The following FAM76B variants were observed in gnomAD, a reference collection of about 807,000 sequenced individuals.
FAM76B encodes protein FAM76B.
FAM76B carries 16 observed loss-of-function variants against 51.8 expected under a neutral mutation model. That is an observed-to-expected ratio of 0.31 (90% confidence interval 0.21 to 0.47). The LOEUF (loss-of-function observed/expected upper bound fraction) is 0.47. Ranked by LOEUF, FAM76B falls within the 20% of genes least tolerant of loss-of-function variation. The probability of loss-of-function intolerance (pLI) is 1.00; values close to 1 mark genes in which losing one functional copy is unlikely to be tolerated. For missense variants in FAM76B, 342 were observed against 392.6 expected (o/e 0.87, Z 1.09); for synonymous variants, 166 against 129.5 (o/e 1.28, Z -1.91).
rs537242062 is a variant in FAM76B at position 95,771,718 on chromosome 11, T to C, written c.931-68A>G. ...ATTATTAAGTCATGCTGAAGAATACTACTTATTTAATACTGTTTTCATTTA... is the reference window on the plus strand; with the variant it reads ...ATTATTAAGTCATGCTGAAGAATACCACTTATTTAATACTGTTTTCATTTA... On this transcript the variant is annotated intron_variant, in intron 9 of 9. Coordinates refer to ENST00000358780, the MANE Select transcript of FAM76B (RefSeq NM_144664.5). 263 of 1,224,000 alleles carry C rather than the reference T, an allele frequency of 2.1e-4. 1 individual carries two copies. The highest frequency in any genetic ancestry group is 4.0e-4 in the Middle Eastern group (2 of 5,000). The allele number at this position is 1,224,000 out of a possible 1,614,324, so 75.8% of individuals were successfully genotyped here. A position where few individuals can be genotyped will look rare whatever the true frequency, so the allele number is the denominator to read the frequency against.
At position 95,770,399 on chromosome 11, in the gene FAM76B, A is replaced by G. The variant is rs1010301915; in HGVS notation, c.*1162T>C. 3 of 151,882 alleles carry G rather than the reference A, an allele frequency of 2.0e-5. No individual in the cohort carries two copies. The highest frequency in any genetic ancestry group is 7.2e-5 in the African/African-American group (3 of 41,386). The allele number at this position is 151,882 out of a possible 1,614,324, so 9.4% of individuals were successfully genotyped here. A position where few individuals can be genotyped will look rare whatever the true frequency, so the allele number is the denominator to read the frequency against. On this transcript the variant is annotated 3_prime_UTR_variant, in exon 10 of 10. Transcript: ENST00000358780. ...ATTTAATTTTTTTCAGATTTGCTTT[A>G]AATTTACAAATTACATTGTACATAA... is the stretch of plus-strand genomic sequence containing the variant.
rs191881249 is a variant in FAM76B, at chr11:95,782,888, T to C, written c.563+177A>G. On this transcript the variant is annotated intron_variant, in intron 5 of 9. Transcript: ENST00000358780. ...ATGGTAAACAGCTCAACATATTTCA[T>C]GTATATAACATTCTACACTGAATAA... Among the ~76,000 whole-genome samples, 30 of 152,330 alleles carry C rather than the reference T, an allele frequency of 2.0e-4. No individual in the cohort carries two copies. In the East Asian group the frequency reaches 5.2e-3, roughly 26 times the overall value.
chr11:95,775,412 T>C (rs1859954995), intron 9 of FAM76B, among the ~76,000 whole-genome samples: 1 of 151,408 alleles, frequency 6.6e-6, no homozygotes, highest in African/African-American at 2.4e-5. Flanking sequence ...TGTTAGCATT[T>C]AGCAGAACCC....
At chr11:95,775,036 T>G (rs55814373) in intron 9 of FAM76B, among the ~76,000 whole-genome samples, 9,843 of 151,216 alleles carry the variant, frequency 0.065, 409 homozygotes, top group Middle Eastern at 0.13. Context: ...CAGGACAGTA[T>G]TAACTCCTTC....
chr11:95,785,647 G>A (rs1169515160), intron 4 of FAM76B, among the ~76,000 whole-genome samples: 5 of 152,122 alleles, frequency 3.3e-5, no homozygotes, highest in Admixed American at 2.6e-4. Context: ...AATGCTGATC[G>A]GCAAAGGAAT....
At chr11:95,782,182 T>C (rs1177042629) in intron 5 of FAM76B, among the ~76,000 whole-genome samples, 1 of 152,174 alleles carries the variant, frequency 6.6e-6, no homozygotes, top group Non-Finnish European at 1.5e-5. Flanking sequence ...AAAAAATCTT[T>C]ATACCACACA....
intron 2 of FAM76B, 113 bp from the exon 3 acceptor site, chr11:95,787,791 C>A: frequency 1.2e-6 from 1 of 847,574 alleles, no homozygotes; most frequent in African/African-American, 1.7e-5. Flanking sequence ...TAATAAGGAC[C>A]ACGGATTTTT....
In FAM76B at chr11:95,779,590, A is replaced by C. The variant is rs777723499; in HGVS notation, c.692+17T>G. The C allele has an allele frequency of 4.4e-6, 7 of 1,594,774 alleles. No individual in the cohort carries two copies. Among genetic ancestry groups the C allele is most frequent in the Non-Finnish European group, 6.0e-6 (7 of 1,170,596 alleles). On this transcript the variant is annotated intron_variant, in intron 7 of 9. Transcript: ENST00000358780. ...ACTAAGTTGAATTTTCATAACACTA[A>C]AAGAATTCATTTTTACCTATCTCCA...
chr11:95,769,335 A>G lies in FAM76B; in HGVS notation c.*2226T>C, dbSNP rs1446488375. ...TACTAATTTATACAATTGCAAAAAA[A>G]TTTAAGTTATAAAATAAGGTCATGG... On this transcript the variant is annotated 3_prime_UTR_variant, in exon 10 of 10. Coordinates refer to ENST00000358780, the MANE Select transcript of FAM76B (RefSeq NM_144664.5). The G allele has an allele frequency of 6.6e-6, 1 of 152,256 alleles. No homozygotes were observed. The allele number at this position is 152,256 out of a possible 1,614,324, so 9.4% of individuals were successfully genotyped here. A position where few individuals can be genotyped will look rare whatever the true frequency, so the allele number is the denominator to read the frequency against.
In FAM76B at chr11:95,778,933, A is replaced by G. The variant is rs1287771000; in HGVS notation, c.717T>C (p.Asp239=). The G allele has an allele frequency of 8.1e-6, 13 of 1,610,008 alleles. No individual in the cohort carries two copies. The Admixed American group carries it at 1.8e-4, about 23-fold the overall frequency. Residue 239 remains aspartate, a synonymous_variant, in exon 8 of 10, where the codon GAT becomes GAC. Coordinates refer to ENST00000358780, the MANE Select transcript of FAM76B (RefSeq NM_144664.5). ...GDSSSINQSA[D]SGGTDNFVLI... ...GGACAAAATTGTCTGTTCCCCCACT[A>G]TCTGCTGACTGATTTATAGAGCTAC...
intron 5 of FAM76B, among the ~76,000 whole-genome samples, chr11:95,782,502 C>T (rs1860325321): frequency 6.6e-6 from 1 of 151,950 alleles, no homozygotes; most frequent in South Asian, 2.1e-4. Flanking sequence ...GGGAAAACTA[C>T]AGTTGTCTCT....
chr11:95,776,999 A>T (rs1860041138), intron 8 of FAM76B, among the ~76,000 whole-genome samples: 1 of 151,154 alleles, frequency 6.6e-6, no homozygotes, highest in African/African-American at 2.4e-5. Context: ...ACTTTCTCTA[A>T]TCACAAAAGA....
chr11:95,787,725 G>C (rs756160004), intron 2 of FAM76B, 47 bp from the exon 3 acceptor site: 14 of 1,450,084 alleles, frequency 9.7e-6, no homozygotes, highest in Non-Finnish European at 1.2e-5. Context: ...GCTTTCTAAA[G>C]TAATTAGCAC....
intron 9 of FAM76B, among the ~76,000 whole-genome samples, chr11:95,773,125 TATCTC>T (rs1256335247): frequency 2.0e-5 from 3 of 148,388 alleles, no homozygotes; most frequent in Non-Finnish European, 4.5e-5. Context: ...TCCAAGTTCT[TATCTC>T]AATTATCAAG....
Position 95,779,862 on chromosome 11 carries a change from T to C in FAM76B, c.611+17A>G, listed in dbSNP as rs1323461828. The C allele has an allele frequency of 6.3e-7, 1 of 1,595,864 alleles. No homozygotes were observed. Among genetic ancestry groups the C allele is most frequent in the Non-Finnish European group, 8.5e-7 (1 of 1,173,740 alleles). The stretch of plus-strand genomic sequence containing the variant: ...ATACATTTCAAAATACTTCAGAAAA[T>C]ACAGCAATGTATTTACCTCTGTTTC... On this transcript the variant is annotated intron_variant, in intron 6 of 9. Coordinates refer to ENST00000358780, the MANE Select transcript of FAM76B (RefSeq NM_144664.5).
chr11:95,775,841 A>T, intron 9 of FAM76B, 81 bp downstream of exon 9: 1 of 854,930 alleles, frequency 1.2e-6, no homozygotes, highest in Non-Finnish European at 1.7e-6. Flanking sequence ...TAGGGCTACC[A>T]ATAACAATCT....
At chr11:95,776,330 C>A (rs966633202) in intron 8 of FAM76B, among the ~76,000 whole-genome samples, 1 of 151,376 alleles carries the variant, frequency 6.6e-6, no homozygotes, top group East Asian at 1.9e-4. Flanking sequence ...AAAAGCTTAA[C>A]GGCTAATAAC....
At chr11:95,784,076 G>A (rs1319699446) in intron 4 of FAM76B, among the ~76,000 whole-genome samples, 5 of 152,162 alleles carry the variant, frequency 3.3e-5, no homozygotes, top group Non-Finnish European at 5.9e-5. Flanking sequence ...AGAAAACATG[G>A]TACGTATATA....
rs542657226 is a variant in FAM76B at position 95,782,300 on chromosome 11, C to T, written c.563+765G>A. On this transcript the variant is annotated intron_variant, in intron 5 of 9. Coordinates refer to ENST00000358780, the MANE Select transcript of FAM76B (RefSeq NM_144664.5). Reference sequence around the variant, plus strand: ...AACCCAGGTTTGAAATGTATGGGACCACCTATAGGAGAATTTTTTTTTCCC... The same window carrying T: ...AACCCAGGTTTGAAATGTATGGGACTACCTATAGGAGAATTTTTTTTTCCC... Among the ~76,000 whole-genome samples the T allele has an allele frequency of 3.9e-5, 6 of 152,080 alleles. No individual in the cohort carries two copies. In the South Asian group the frequency reaches 1.2e-3, roughly 32 times the overall value.
Sources: allele counts gnomAD v4.1 joint callset (sites outside exome capture counted in the v4.1 genomes callset), GRCh38; gene constraint gnomAD v4.1.1; transcripts MANE v1.5; gene names NCBI Gene and HGNC (gene_info 2026-07-23, HGNC 2026-07-21).